TENM2: variants seen among roughly 807,000 people sequenced by gnomAD.
TENM2 encodes the protein teneurin transmembrane protein 2.
Under a neutral mutation model 245.2 loss-of-function variants are expected in TENM2, and 52 were observed. That is an observed-to-expected ratio of 0.21 (90% CI 0.17 to 0.27). The LOEUF (loss-of-function observed/expected upper bound fraction) is 0.27. TENM2 is among the 10% of genes least tolerant of loss of function. The pLI is 1.00. For missense variants in TENM2, 3,046 were observed against 3,666.8 expected (o/e 0.83, Z 4.37); for synonymous variants, 1,363 against 1,438.9 (o/e 0.95, Z 1.19).
chr5:167,151,204 C>T, the TENM2 span, among the ~76,000 whole-genome samples: 2 of 151,966 alleles, frequency 1.3e-5, no homozygotes, highest in Non-Finnish European at 2.9e-5. Context: ...AAGTGGAGAT[C>T]AATTAAAAAG....
upstream of TENM2, among the ~76,000 whole-genome samples, chr5:167,280,070 G>A (rs1345740922): frequency 6.6e-6 from 1 of 152,152 alleles, no homozygotes; most frequent in Non-Finnish European, 1.5e-5. Flanking sequence ...AGAGGAAGGA[G>A]GAACCTACCT....
chr5:168,059,793 AAAC>A (rs1402413472), intron 6 of TENM2, among the ~76,000 whole-genome samples: 1 of 152,174 alleles, frequency 6.6e-6, no homozygotes, highest in East Asian at 1.9e-4. Flanking sequence ...ACCCCCAAAT[AAAC>A]AACACCTAAT....
intron 5 of TENM2, among the ~76,000 whole-genome samples, chr5:168,012,834 A>C: frequency 6.7e-6 from 1 of 148,632 alleles, no homozygotes; most frequent in South Asian, 2.1e-4. Context: ...TGATTTCCTG[A>C]CCTTACTAGC....
At chr5:168,225,937 G>A in intron 23 of TENM2, 151 bp from the exon 26 acceptor site, 1 of 624,016 alleles carries the variant, frequency 1.6e-6, no homozygotes. Context: ...GCATAATAGG[G>A]TTTTGACTGT....
At chr5:167,164,010 C>T in the TENM2 span, among the ~76,000 whole-genome samples, 34 of 152,180 alleles carry the variant, frequency 2.2e-4, no homozygotes, top group Non-Finnish European at 4.6e-4. Flanking sequence ...CTGCCCTCCA[C>T]TTTAGTGCGT....
At chr5:167,145,604 A>G in the TENM2 span, among the ~76,000 whole-genome samples, 3 of 151,976 alleles carry the variant, frequency 2.0e-5, no homozygotes, top group Non-Finnish European at 4.4e-5. Context: ...GCACACGGGG[A>G]ATTTAGGACA....
At chr5:167,745,311 G>A (rs914392710) in intron 2 of TENM2, among the ~76,000 whole-genome samples, 7 of 152,200 alleles carry the variant, frequency 4.6e-5, no homozygotes, top group African/African-American at 1.2e-4. Context: ...CAAGTGCTGC[G>A]AAGACAGCAA....
the TENM2 span, among the ~76,000 whole-genome samples, chr5:167,027,351 G>T: frequency 1.3e-5 from 2 of 152,130 alleles, no homozygotes; most frequent in Non-Finnish European, 2.9e-5. Flanking sequence ...AGGTTCACTG[G>T]TTGAGCCCAG....
At chr5:167,194,308 C>T in the TENM2 span, among the ~76,000 whole-genome samples, 763 of 152,084 alleles carry the variant, frequency 5.0e-3, 4 homozygotes, top group African/African-American at 0.017. Context: ...TAATGGAAGA[C>T]GACGCACGAA....
Position 168,247,273 on chromosome 5 carries a change from C to A in TENM2, c.6334C>A (p.Leu2112Ile). The A allele has an allele frequency of 6.2e-7, 1 of 1,614,012 alleles. No individual in the cohort carries two copies. The highest frequency in any genetic ancestry group is 1.3e-5 in the African/African-American group (1 of 75,050). Reference sequence around the variant, plus strand: ...CAAGCCCGTCATAAGTGAGACTCCCCTCCCCGTTGACCTCTACCGCTATGA... The same window carrying A: ...CAAGCCCGTCATAAGTGAGACTCCCATCCCCGTTGACCTCTACCGCTATGA... Residue 2112 changes from leucine (L) to isoleucine (I), a missense_variant, in exon 27 of 29, where the codon CTC (leucine) becomes ATC (isoleucine). Leu to Ile is a conservative substitution (Grantham distance 5). Coordinates refer to ENST00000518659, the Ensembl canonical transcript of TENM2. The surrounding 1 kb of genome is among the most constrained non-coding windows in gnomAD (Gnocchi z 7.8).
chr5:167,813,280 G>A (rs749901302), intron 2 of TENM2, among the ~76,000 whole-genome samples: 3 of 152,054 alleles, frequency 2.0e-5, no homozygotes, highest in Non-Finnish European at 2.9e-5. Context: ...AAGAAGTGAA[G>A]CCAATCCAGA....
At position 167,974,001 on chromosome 5, in the gene TENM2, AAGGG is replaced by A. The variant is rs745782174; in HGVS notation, c.948-18923_948-18920del. ...CCTCTGATGGAAGAAGGAAGGGAGA[AAGGG>A]AGGGAGGGAGGGAGGGAGGAAGGAA... On this transcript the variant is annotated intron_variant, in intron 4 of 28. Coordinates refer to ENST00000518659, the Ensembl canonical transcript of TENM2. Among the ~76,000 whole-genome samples the A allele has an allele frequency of 6.5e-4, 62 of 95,538 alleles. 6 individuals are homozygous for A. Among genetic ancestry groups the A allele is most frequent in the African/African-American group, 2.9e-3 (51 of 17,806 alleles). 62.7% of individuals were successfully genotyped at this position (95,538 alleles called of 152,430 possible).
the TENM2 span, among the ~76,000 whole-genome samples, chr5:167,201,035 AACCT>A: frequency 1.3e-5 from 2 of 152,152 alleles, no homozygotes; most frequent in Non-Finnish European, 2.9e-5. Context: ...GCATGCTGTT[AACCT>A]GCCTGCCAAC....
intron 2 of TENM2, among the ~76,000 whole-genome samples, chr5:167,833,137 T>C (rs1052335131): frequency 1.2e-4 from 18 of 152,304 alleles, no homozygotes; most frequent in Middle Eastern, 3.4e-3. Context: ...TTTTCCTCTT[T>C]ATTTTATACA....
the TENM2 span, among the ~76,000 whole-genome samples, chr5:167,188,066 A>G: frequency 6.6e-6 from 1 of 152,168 alleles, no homozygotes; most frequent in Admixed American, 6.5e-5. Context: ...TCTCTTCATC[A>G]GAATCATTCT....
intron 1 of TENM2, among the ~76,000 whole-genome samples, chr5:167,299,942 T>C (rs1417045684): frequency 6.6e-6 from 1 of 152,092 alleles, no homozygotes. Context: ...ACGAGAAATG[T>C]AGAGAGTGAG....
the TENM2 span, among the ~76,000 whole-genome samples, chr5:167,221,832 T>C: frequency 6.6e-6 from 1 of 152,218 alleles, no homozygotes; most frequent in Non-Finnish European, 1.5e-5. Context: ...TTTGGTTTAA[T>C]ATCTCAGATT....
chr5:167,706,903 T>C (rs1758565940), intron 2 of TENM2, among the ~76,000 whole-genome samples: 1 of 150,376 alleles, frequency 6.6e-6, no homozygotes, highest in African/African-American at 2.5e-5. Context: ...TAGTCCCAGC[T>C]ACTTGGGAGG....
chr5:167,114,190 C>T, the TENM2 span, among the ~76,000 whole-genome samples: 4 of 152,304 alleles, frequency 2.6e-5, no homozygotes, highest in African/African-American at 9.6e-5. Context: ...CTCATGCATT[C>T]ATCCACATTG....
Sources: gnomAD v4.1 joint callset for allele counts (sites outside exome capture counted in the v4.1 genomes callset) on GRCh38, gnomAD v4.1.1 for gene constraint, Gnocchi (gnomAD v3.1) non-coding constraint, MANE v1.5 for transcripts, NCBI Gene and HGNC (gene_info 2026-07-23, HGNC 2026-07-21) for gene names.